SPEF2: variants seen among roughly 807,000 people sequenced by gnomAD.
SPEF2 encodes the protein sperm flagellar and cilia associated 2, also known as sperm flagella and cilia-associated protein 2.
A neutral mutation model predicts 224.6 loss-of-function variants in SPEF2; 187 were observed. That is an observed-to-expected ratio of 0.83 (90% CI 0.74 to 0.94). SPEF2 has a LOEUF of 0.94. Among genes scored for constraint, SPEF2 ranks in the 40% least tolerant of loss-of-function variants. The pLI, the probability that SPEF2 is intolerant of heterozygous loss-of-function variation, is 0.00. For missense variants in SPEF2, 2,170 were observed against 2,135.6 expected (o/e 1.02, Z -0.32); for synonymous variants, 715 against 707.3 (o/e 1.01, Z -0.17).
intron 4 of SPEF2, chr5:35,646,464 G>T: frequency 4.6e-6 from 2 of 430,440 alleles, no homozygotes; most frequent in Non-Finnish European, 4.1e-6. Context: ...TTCCAGAATT[G>T]TGTTTTAATA....
At chr5:35,808,016 A>G in intron 36 of SPEF2, 1 of 1,204,082 alleles carries the variant, frequency 8.3e-7, no homozygotes, top group East Asian at 3.7e-5. Context: ...CTGAGTTGAA[A>G]ATAAAAGCGC....
Position 35,806,968 on chromosome 5 carries a change from T to C in SPEF2, c.5256+16T>C, listed in dbSNP as rs36093359. On this transcript the variant is annotated intron_variant, in intron 35 of 36. Coordinates refer to ENST00000356031, the MANE Select transcript of SPEF2 (RefSeq NM_024867.4). Reference sequence around the variant, plus strand: ...TTATGCAGAGGTTGGTTAAATTATTTTGAAAAAAGTTGGCCTCAATTCTGA... The same window carrying C: ...TTATGCAGAGGTTGGTTAAATTATTCTGAAAAAAGTTGGCCTCAATTCTGA... 444,264 of 1,580,330 alleles carry C rather than the reference T, an allele frequency of 0.28. 64,628 individuals are homozygous for C. Among genetic ancestry groups the C allele is most frequent in the African/African-American group, 0.45 (32,483 of 72,944 alleles).
At chr5:35,812,366 G>A (rs1045426943) in intron 36 of SPEF2, among the ~76,000 whole-genome samples, 4 of 152,104 alleles carry the variant, frequency 2.6e-5, no homozygotes, top group Admixed American at 6.5e-5. Flanking sequence ...CAGATTTTGC[G>A]TTGGACATTA....
At chr5:35,760,041 T>G (rs1372517583) in intron 25 of SPEF2, among the ~76,000 whole-genome samples, 1 of 152,092 alleles carries the variant, frequency 6.6e-6, no homozygotes, top group Admixed American at 6.6e-5. Flanking sequence ...CTGAAACACT[T>G]TTGGCCCCAA....
At chr5:35,683,332 CAG>C (rs1356293571) in intron 10 of SPEF2, among the ~76,000 whole-genome samples, 4 of 152,078 alleles carry the variant, frequency 2.6e-5, no homozygotes, top group Admixed American at 6.6e-5. Context: ...TTAATAAAAA[CAG>C]TGCTAGTGGG....
rs527608777 is a variant in SPEF2 at position 35,722,407 on chromosome 5, C to T, written c.2915-5268C>T. 2.6e-5 allele frequency among the ~76,000 whole-genome samples: 4 copies of T among 151,774 alleles called. No individual in the cohort carries two copies. In the South Asian group the frequency reaches 8.3e-4, roughly 32 times the overall value. On this transcript the variant is annotated intron_variant, in intron 20 of 36. Coordinates refer to ENST00000356031, the MANE Select transcript of SPEF2 (RefSeq NM_024867.4). ...TGGGGGTTGGGGACTTGGTTTCCCC[C>T]ACCCTCAGAAGTCCAAGGATGAAAA...
chr5:35,668,064 G>A (rs11748781), intron 9 of SPEF2, among the ~76,000 whole-genome samples: 92,379 of 151,872 alleles, frequency 0.61, 28,816 homozygotes, highest in East Asian at 0.73. Flanking sequence ...TGCTGAGAAA[G>A]GTGAAATGGT....
chr5:35,811,019 A>G (rs2149880074), intron 36 of SPEF2, among the ~76,000 whole-genome samples: 1 of 152,244 alleles, frequency 6.6e-6, no homozygotes, highest in East Asian at 1.9e-4. Context: ...TGTGTCCTGA[A>G]AAGTCTACAT....
chr5:35,777,759 G>A (rs1158725759), intron 29 of SPEF2, among the ~76,000 whole-genome samples: 1 of 151,902 alleles, frequency 6.6e-6, no homozygotes, highest in African/African-American at 2.4e-5. Flanking sequence ...TATTTTCCTG[G>A]CACTTTTTTC....
intron 30 of SPEF2, among the ~76,000 whole-genome samples, chr5:35,779,645 G>T (rs1001490104): frequency 1.3e-5 from 2 of 152,056 alleles, no homozygotes; most frequent in Non-Finnish European, 2.9e-5. Context: ...ACTCCACCTG[G>T]CAGCTTACAG....
chr5:35,678,407 C>T (rs1440574489), intron 10 of SPEF2: 1 of 152,270 alleles, frequency 6.6e-6, no homozygotes, highest in East Asian at 1.9e-4. Flanking sequence ...TCTGCCTTTC[C>T]CTCGATTGCT....
At position 35,659,070 on chromosome 5, in the gene SPEF2, C is replaced by G; in HGVS notation, c.1030C>G (p.Gln344Glu). 1 of 1,607,512 alleles carries G rather than the reference C, an allele frequency of 6.2e-7. No individual in the cohort carries two copies. Among genetic ancestry groups the G allele is most frequent in the South Asian group, 1.1e-5 (1 of 90,296 alleles). The change falls in exon 8 of 37, where the codon CAG becomes GAG. Residue 344 changes from glutamine to glutamate, a missense_variant. By Grantham distance (29) the Gln-to-Glu change is conservative (BLOSUM62 2). Transcript: ENST00000356031. ...TAACCGGCTGATGCGGCAGTCCCAG[C>G]AGGAGCGCAGGATTGCCGTGCAGCT... ...LINRLMRQSQ[Q>E]ERRIAVQLMH...
chr5:35,761,970 T>C (rs1751350197), intron 25 of SPEF2, among the ~76,000 whole-genome samples: 1 of 152,192 alleles, frequency 6.6e-6, no homozygotes, highest in African/African-American at 2.4e-5. Context: ...TATCAACCTG[T>C]CATATATAAA....
At chr5:35,766,550 T>G (rs190569357) in intron 26 of SPEF2, among the ~76,000 whole-genome samples, 4 of 152,054 alleles carry the variant, frequency 2.6e-5, no homozygotes, top group Admixed American at 2.6e-4. Flanking sequence ...CTCTTTTTTT[T>G]AAATCAGCTT....
At chr5:35,735,874 C>T (rs1746509018) in intron 21 of SPEF2, among the ~76,000 whole-genome samples, 1 of 152,172 alleles carries the variant, frequency 6.6e-6, no homozygotes, top group Non-Finnish European at 1.5e-5. Context: ...CTGATATGAA[C>T]ACTACGTGTT....
intron 30 of SPEF2, chr5:35,787,756 T>G (rs1385880071): frequency 5.7e-6 from 3 of 522,590 alleles, no homozygotes; most frequent in Non-Finnish European, 1.0e-5. Flanking sequence ...TAATAAGCAC[T>G]CCATAAAATT....
chr5:35,652,294 A>G (rs540044955), intron 6 of SPEF2, among the ~76,000 whole-genome samples: 78 of 152,332 alleles, frequency 5.1e-4, no homozygotes, highest in African/African-American at 1.7e-3. Context: ...TATTATTGAC[A>G]GCATAAATAT....
intron 10 of SPEF2, chr5:35,678,786 AT>A (rs1752374981): frequency 6.6e-6 from 1 of 152,226 alleles, no homozygotes; most frequent in South Asian, 2.1e-4. Context: ...CTAAGGCAGT[AT>A]GTGGCAGCAT....
intron 4 of SPEF2, 80 bp from the exon 5 acceptor site, chr5:35,646,587 A>G: frequency 7.4e-7 from 1 of 1,357,370 alleles, no homozygotes; most frequent in Non-Finnish European, 1.0e-6. Flanking sequence ...GATAAATTTT[A>G]TATATTTGTA....
Sources: gnomAD v4.1 joint callset for allele counts (sites outside exome capture counted in the v4.1 genomes callset) on GRCh38, gnomAD v4.1.1 for gene constraint, MANE v1.5 for transcripts, NCBI Gene and HGNC (gene_info 2026-07-23, HGNC 2026-07-21) for gene names.